The following PDGFRL variants were observed in gnomAD, a reference collection of about 807,000 sequenced individuals.
PDGFRL encodes platelet-derived growth factor receptor-like protein.
PDGFRL carries 46 observed loss-of-function variants against 37.2 expected under a neutral mutation model. The ratio of observed to expected loss-of-function variants is 1.24; its 90% CI spans 0.98 to 1.58. The LOEUF (loss-of-function observed/expected upper bound fraction) is 1.58, where lower values mean the gene tolerates loss of function less well. Ranked by LOEUF, PDGFRL falls within the 40% of genes most tolerant of loss-of-function variation. PDGFRL has a pLI of 0.00. For synonymous variants in PDGFRL, 251 were observed against 184.3 expected (o/e 1.36, Z -2.93); for missense variants, 692 against 467.6 (o/e 1.48, Z -4.43).
chr8:17,628,356 G>A (rs1398278884), intron 3 of PDGFRL, 131 bp from the exon 4 acceptor site: 7 of 678,132 alleles, frequency 1.0e-5, no homozygotes, highest in African/African-American at 9.0e-5. Context: ...AAGCATTAAA[G>A]TAAAAAAAGA....
chr8:17,582,080 G>C (rs891762781), intron 1 of PDGFRL, among the ~76,000 whole-genome samples: 3 of 152,162 alleles, frequency 2.0e-5, no homozygotes, highest in Admixed American at 2.0e-4. Context: ...AGACAGTAAA[G>C]TTCATGCTGA....
At chr8:17,642,535 C>T in intron 5 of PDGFRL, 78 bp from the exon 6 acceptor site, 3 of 838,094 alleles carry the variant, frequency 3.6e-6, no homozygotes, top group East Asian at 2.5e-5. Flanking sequence ...AAGGAACGCT[C>T]AACAGTGTTG....
At chr8:17,586,163 A>G (rs1803810377) in intron 1 of PDGFRL, among the ~76,000 whole-genome samples, 1 of 152,162 alleles carries the variant, frequency 6.6e-6, no homozygotes, top group African/African-American at 2.4e-5. Flanking sequence ...TATGTTGGCC[A>G]GGCTGGTCTT....
intron 2 of PDGFRL, among the ~76,000 whole-genome samples, chr8:17,611,886 C>T (rs148864825): frequency 6.6e-6 from 1 of 152,080 alleles, no homozygotes; most frequent in African/African-American, 2.4e-5. Flanking sequence ...GTGATAGCAG[C>T]CTGGGTGACA....
rs566177891 is a variant in PDGFRL, at chr8:17,599,919, C to T, written c.353+10154C>T. Among the ~76,000 whole-genome samples the T allele has an allele frequency of 1.0e-3, 159 of 152,194 alleles. 2 individuals carry two copies. The highest frequency in any genetic ancestry group is 3.6e-3 in the African/African-American group (149 of 41,540). On this transcript the variant is annotated intron_variant, in intron 2 of 5. Transcript: ENST00000251630. ...TCTCTACCTACTTTCCCAGGAACTT[C>T]AATACATCACTTACTGCCTCTTCAT... is the stretch of plus-strand genomic sequence containing the variant.
intron 1 of PDGFRL, among the ~76,000 whole-genome samples, chr8:17,585,002 G>A (rs569046497): frequency 2.0e-4 from 30 of 152,102 alleles, no homozygotes; most frequent in Admixed American, 1.8e-3. Flanking sequence ...CCGGGAAAGG[G>A]ACGGGAAATT....
chr8:17,606,466 A>G (rs914372271), intron 2 of PDGFRL, among the ~76,000 whole-genome samples: 2 of 152,140 alleles, frequency 1.3e-5, no homozygotes, highest in African/African-American at 4.8e-5. Context: ...GCCACCCCCA[A>G]ACTCTAATAC....
At position 17,589,193 on chromosome 8, in the gene PDGFRL, C is replaced by T. The variant is rs145887574; in HGVS notation, c.56-275C>T. ...AGGACTTCGAGACCAGCCTGACCAA[C>T]GTGCTGAGACCCTGTCTCCATGTCT... On this transcript the variant is annotated intron_variant, in intron 1 of 5. Coordinates refer to ENST00000251630, the MANE Select transcript of PDGFRL (RefSeq NM_001372073.1). 2.9e-4 allele frequency among the ~76,000 whole-genome samples: 44 copies of T among 152,148 alleles called. 1 individual carries two copies. The East Asian group carries it at 7.0e-3, about 24-fold the overall frequency.
chr8:17,584,285 C>A (rs139042444), intron 1 of PDGFRL, among the ~76,000 whole-genome samples: 394 of 152,258 alleles, frequency 2.6e-3, no homozygotes, highest in African/African-American at 9.1e-3. Flanking sequence ...AGAGGTCAGA[C>A]ATGCTAAATT....
chr8:17,642,954 A>G lies in PDGFRL; in HGVS notation c.*153A>G. ...TGAGTCCGACCCAGACATCCAAACT[A>G]AAAGGAAGTCATCCAGTCTATTCAC... On this transcript the variant is annotated 3_prime_UTR_variant, in exon 6 of 6. Coordinates refer to ENST00000251630, the MANE Select transcript of PDGFRL (RefSeq NM_001372073.1). 1.7e-6 allele frequency: 1 copy of G among 585,860 alleles called. No individual in the cohort carries two copies. The highest frequency in any genetic ancestry group is 1.9e-5 in the African/African-American group (1 of 53,532). The allele number at this position is 585,860 out of a possible 1,614,324, so 36.3% of individuals were successfully genotyped here.
intron 2 of PDGFRL, among the ~76,000 whole-genome samples, chr8:17,594,685 G>A (rs1374279153): frequency 6.6e-6 from 1 of 152,214 alleles, no homozygotes; most frequent in African/African-American, 2.4e-5. Context: ...CTCTGGAGTA[G>A]CTGGGATTAC....
At chr8:17,597,541 G>A (rs1324671596) in intron 2 of PDGFRL, among the ~76,000 whole-genome samples, 3 of 81,956 alleles carry the variant, frequency 3.7e-5, no homozygotes, top group Non-Finnish European at 7.5e-5. Flanking sequence ...AGAGAAAAAT[G>A]CAATATACAT....
At chr8:17,625,107 A>ATTAACTCGTCAT (rs1189651836) in intron 3 of PDGFRL, among the ~76,000 whole-genome samples, 6 of 150,762 alleles carry the variant, frequency 4.0e-5, no homozygotes, top group Non-Finnish European at 7.4e-5. Flanking sequence ...GTCATTTAGC[A>ATTAACTCGTCAT]TTAGGTATAT....
At chr8:17,584,587 G>C (rs1563503646) in intron 1 of PDGFRL, among the ~76,000 whole-genome samples, 3 of 152,070 alleles carry the variant, frequency 2.0e-5, no homozygotes. Context: ...GGCAGCACAG[G>C]GTCCTGCGAG....
intron 5 of PDGFRL, among the ~76,000 whole-genome samples, chr8:17,634,490 T>C (rs906070125): frequency 9.2e-5 from 14 of 152,148 alleles, no homozygotes; most frequent in Non-Finnish European, 1.9e-4. Flanking sequence ...GGTTTTTTTT[T>C]TTTTAAACCC....
At chr8:17,593,182 A>C (rs773282016) in intron 2 of PDGFRL, among the ~76,000 whole-genome samples, 62 of 152,008 alleles carry the variant, frequency 4.1e-4, no homozygotes, top group Non-Finnish European at 7.4e-4. Context: ...CCCTTTCCAC[A>C]CTTGAAGTGC....
chr8:17,639,959 G>A (rs183736031), intron 5 of PDGFRL, among the ~76,000 whole-genome samples: 18 of 152,112 alleles, frequency 1.2e-4, no homozygotes, highest in South Asian at 2.1e-4. Flanking sequence ...CATCTTGGAG[G>A]CTTTGTTCAT....
At chr8:17,604,757 T>A (rs1350885293) in intron 2 of PDGFRL, among the ~76,000 whole-genome samples, 4 of 152,060 alleles carry the variant, frequency 2.6e-5, no homozygotes, top group Admixed American at 6.6e-5. Flanking sequence ...TTAAAAAAAA[T>A]TTAGAGCAAA....
intron 1 of PDGFRL, among the ~76,000 whole-genome samples, chr8:17,583,533 T>G (rs1247324780): frequency 6.6e-6 from 1 of 152,164 alleles, no homozygotes; most frequent in African/African-American, 2.4e-5. Context: ...GCTTGTAATT[T>G]GCAGTATTTG....
Sources: gnomAD v4.1 joint callset for allele counts (sites outside exome capture counted in the v4.1 genomes callset) on GRCh38, gnomAD v4.1.1 for gene constraint, MANE v1.5 for transcripts, NCBI Gene and HGNC (gene_info 2026-07-23, HGNC 2026-07-21) for gene names.